Variants in PGBD5 observed in about 807,000 individuals in gnomAD.
PGBD5 encodes the protein piggyBac transposable element-derived protein 5.
In PGBD5, 14 loss-of-function variants were observed where a neutral mutation model predicts 47.9. That is an observed-to-expected ratio of 0.29 (90% CI 0.19 to 0.46). The LOEUF (loss-of-function observed/expected upper bound fraction) is 0.46, where lower values mean the gene tolerates loss of function less well. PGBD5 is among the 20% of genes least tolerant of loss of function. PGBD5 has a pLI of 1.00. For missense variants in PGBD5, 635 were observed against 716.0 expected (o/e 0.89, Z 1.29); for synonymous variants, 316 against 306.3 (o/e 1.03, Z -0.33).
In PGBD5 at chr1:230,410,693, G is replaced by A. The variant is rs563771588; in HGVS notation, c.331+14905C>T. 5.8e-4 allele frequency among the ~76,000 whole-genome samples: 89 copies of A among 152,216 alleles called. 1 individual carries two copies. The highest frequency in any genetic ancestry group is 6.8e-3 in the Middle Eastern group (2 of 294). On this transcript the variant is annotated intron_variant, in intron 1 of 6. Coordinates refer to ENST00000391860, the MANE Select transcript of PGBD5 (RefSeq NM_001258311.2). ...GAAGATTTACTCTGAGGAGACTTTAGTGTCAAATGCCTTCAATATTAATGA... is the reference window on the plus strand; with the variant it reads ...GAAGATTTACTCTGAGGAGACTTTAATGTCAAATGCCTTCAATATTAATGA...
chr1:230,399,771 C>T (rs897734687), intron 1 of PGBD5, among the ~76,000 whole-genome samples: 3 of 152,238 alleles, frequency 2.0e-5, no homozygotes, highest in African/African-American at 7.2e-5. Flanking sequence ...ACGCCTATTT[C>T]TCCTGCCCAC....
At chr1:230,396,825 C>T (rs1019897525) in intron 1 of PGBD5, among the ~76,000 whole-genome samples, 1 of 152,154 alleles carries the variant, frequency 6.6e-6, no homozygotes, top group African/African-American at 2.4e-5. Flanking sequence ...GGCGGAGAGG[C>T]ACCCTCCCCA....
chr1:230,366,543 A>C (rs1256367402), intron 1 of PGBD5, among the ~76,000 whole-genome samples: 2 of 152,200 alleles, frequency 1.3e-5, no homozygotes, highest in African/African-American at 2.4e-5. Flanking sequence ...TCACATTATT[A>C]TTCTGAACTA....
intron 1 of PGBD5, chr1:230,368,105 T>C: frequency 2.2e-6 from 3 of 1,367,900 alleles, no homozygotes; most frequent in Non-Finnish European, 2.9e-6. Context: ...ACGGATGTGC[T>C]CAAGTTCTGA....
rs376986846 is a variant in PGBD5, at chr1:230,333,013, C to T, written c.1104G>A (p.Ala368=). ...QGIYCCGLLR[A]RKSDCTGLPL... ...GGAGGCCGGTGCAGTCACTCTTCCG[C>T]GCGCGGAGCAAGCCGCAGCAGTAAA... is the stretch of plus-strand genomic sequence containing the variant. Residue 368 remains alanine (A), a synonymous_variant, in exon 5 of 7, where the codon GCG becomes GCA. Transcript: ENST00000391860. The T allele has an allele frequency of 4.9e-4, 781 of 1,607,062 alleles. 6 individuals carry two copies. Among genetic ancestry groups the T allele is most frequent in the South Asian group, 3.2e-3 (289 of 90,372 alleles).
chr1:230,410,064 G>C (rs1657381625), intron 1 of PGBD5, among the ~76,000 whole-genome samples: 1 of 152,102 alleles, frequency 6.6e-6, no homozygotes, highest in African/African-American at 2.4e-5. Flanking sequence ...AAATAGGGTT[G>C]AAAATAATAC....
intron 5 of PGBD5, among the ~76,000 whole-genome samples, chr1:230,328,135 C>T (rs1667153263): frequency 1.3e-5 from 2 of 152,194 alleles, no homozygotes; most frequent in African/African-American, 4.8e-5. Flanking sequence ...TAGACCCGTC[C>T]CCATAGCCAC....
chr1:230,342,282 T>C (rs1442684233), intron 3 of PGBD5, among the ~76,000 whole-genome samples: 2 of 152,220 alleles, frequency 1.3e-5, no homozygotes, highest in Admixed American at 6.5e-5. Context: ...TCAGCTATAC[T>C]GGTCTTGACC....
At chr1:230,373,844 C>T (rs969516838) in intron 1 of PGBD5, among the ~76,000 whole-genome samples, 7 of 152,076 alleles carry the variant, frequency 4.6e-5, no homozygotes, top group Admixed American at 3.3e-4. Flanking sequence ...CAGATGCACA[C>T]CACCACACCC....
At chr1:230,421,264 T>C (rs985890447) in intron 1 of PGBD5, among the ~76,000 whole-genome samples, 2 of 152,222 alleles carry the variant, frequency 1.3e-5, no homozygotes, top group Non-Finnish European at 2.9e-5. Context: ...GTTTGTGGTA[T>C]CGATTACACA....
chr1:230,361,169 A>C (rs1667735927), intron 1 of PGBD5, among the ~76,000 whole-genome samples: 1 of 152,152 alleles, frequency 6.6e-6, no homozygotes, highest in African/African-American at 2.4e-5. Context: ...TCTTCCAAAC[A>C]CAAAACTTCC....
At chr1:230,373,188 G>T (rs1019037012) in intron 1 of PGBD5, among the ~76,000 whole-genome samples, 4 of 152,150 alleles carry the variant, frequency 2.6e-5, no homozygotes, top group African/African-American at 9.7e-5. Flanking sequence ...ATCACTCAGG[G>T]TGTTTCCAAA....
intron 4 of PGBD5, among the ~76,000 whole-genome samples, chr1:230,334,418 G>C (rs374009994): frequency 2.0e-5 from 3 of 152,232 alleles, no homozygotes; most frequent in African/African-American, 4.8e-5. Flanking sequence ...CTGCATGTTC[G>C]TAAGAGGGAA....
At chr1:230,349,720 T>C (rs1258570093) in intron 3 of PGBD5, among the ~76,000 whole-genome samples, 2 of 152,148 alleles carry the variant, frequency 1.3e-5, no homozygotes, top group Non-Finnish European at 2.9e-5. Flanking sequence ...CCTGTACCTA[T>C]GGGAGTATCA....
chr1:230,412,036 A>C (rs868357707), intron 1 of PGBD5, among the ~76,000 whole-genome samples: 4 of 152,230 alleles, frequency 2.6e-5, no homozygotes, highest in African/African-American at 9.6e-5. Context: ...ACATGTATGC[A>C]AAAATGTGTT....
At chr1:230,410,195 G>A (rs1657383352) in intron 1 of PGBD5, among the ~76,000 whole-genome samples, 1 of 152,064 alleles carries the variant, frequency 6.6e-6, no homozygotes, top group Admixed American at 6.5e-5. Context: ...CTAAATGCAT[G>A]GTTTTGGAAG....
At chr1:230,383,683 CCA>C (rs1407176086) in intron 1 of PGBD5, among the ~76,000 whole-genome samples, 1 of 152,172 alleles carries the variant, frequency 6.6e-6, no homozygotes, top group Non-Finnish European at 1.5e-5. Context: ...CATGCCAACC[CCA>C]CAGTCTCTCG....
At position 230,389,282 on chromosome 1, in the gene PGBD5, C is replaced by T. The variant is rs922342903; in HGVS notation, c.332-31961G>A. On this transcript the variant is annotated intron_variant, in intron 1 of 6. Transcript: ENST00000391860. ...TCTGCCTCCGGGTTCAAGCGATTCTCCTGCCTCAGCCTCCTGAGTAGCTGG... is the reference window on the plus strand; with the variant it reads ...TCTGCCTCCGGGTTCAAGCGATTCTTCTGCCTCAGCCTCCTGAGTAGCTGG... Among the ~76,000 whole-genome samples, 49 of 151,956 alleles carry T rather than the reference C, an allele frequency of 3.2e-4. 1 individual carries two copies. The highest frequency in any genetic ancestry group is 6.2e-4 in the South Asian group (3 of 4,820).
At chr1:230,420,096 A>C (rs1465802625) in intron 1 of PGBD5, among the ~76,000 whole-genome samples, 1 of 152,204 alleles carries the variant, frequency 6.6e-6, no homozygotes, top group African/African-American at 2.4e-5. Context: ...ATTGCACTCC[A>C]GCCTGGGCAA....
Sources: allele counts gnomAD v4.1 joint callset (sites outside exome capture counted in the v4.1 genomes callset), GRCh38; gene constraint gnomAD v4.1.1; transcripts MANE v1.5; gene names NCBI Gene and HGNC (gene_info 2026-07-23, HGNC 2026-07-21).